CTNNA2: variants seen among roughly 807,000 people sequenced by gnomAD.
CTNNA2 encodes the protein catenin alpha 2.
In CTNNA2, 42 loss-of-function variants were observed where a neutral mutation model predicts 101.0. The ratio of observed to expected loss-of-function variants is 0.42; its 90% CI spans 0.32 to 0.54. CTNNA2 has a LOEUF of 0.54. Among genes scored for constraint, CTNNA2 ranks in the 20% least tolerant of loss-of-function variants. The pLI, the probability that CTNNA2 is intolerant of heterozygous loss-of-function variation, is 0.14. For synonymous variants in CTNNA2, 450 were observed against 456.4 expected, an observed-to-expected ratio of 0.99 and a Z score of 0.18; for missense variants, 871 against 1,223.1, an observed-to-expected ratio of 0.71 and a Z score of 4.29.
intron 1 of CTNNA2, among the ~76,000 whole-genome samples, chr2:79,640,454 CAT>C (rs755795634): frequency 2.3e-4 from 35 of 152,132 alleles, no homozygotes; most frequent in Admixed American, 5.9e-4. Flanking sequence ...CAATTTAACA[CAT>C]GTTAAATAAG....
At chr2:79,519,531 C>G (rs1671992182) in intron 1 of CTNNA2, among the ~76,000 whole-genome samples, 1 of 152,040 alleles carries the variant, frequency 6.6e-6, no homozygotes, top group African/African-American at 2.4e-5. Context: ...TTTTATCTGC[C>G]TTTTGAGTGA....
chr2:80,590,484 C>T (rs549542087), intron 15 of CTNNA2, among the ~76,000 whole-genome samples: 32 of 151,350 alleles, frequency 2.1e-4, no homozygotes, highest in Non-Finnish European at 4.6e-4. Flanking sequence ...AATGATTTAA[C>T]GTGGCATTTG....
chr2:79,662,493 T>A (rs1384488131), intron 2 of CTNNA2, among the ~76,000 whole-genome samples: 1 of 151,926 alleles, frequency 6.6e-6, no homozygotes. Context: ...TTGGGGGCGG[T>A]TAGCTAACAA....
intron 1 of CTNNA2, among the ~76,000 whole-genome samples, chr2:79,563,050 T>C (rs1674878663): frequency 6.6e-6 from 1 of 151,876 alleles, no homozygotes; most frequent in Admixed American, 6.6e-5. Context: ...GGCATTATGA[T>C]AGCTAAAGTA....
chr2:80,298,746 G>A lies in CTNNA2; in HGVS notation c.1057-94465G>A, dbSNP rs116399099. ...GAGTTCAGAAGAATATTTTTAAATGGTTGAGAAAACTATTTCCTTTTACTG... is the reference window on the plus strand; with the variant it reads ...GAGTTCAGAAGAATATTTTTAAATGATTGAGAAAACTATTTCCTTTTACTG... On this transcript the variant is annotated intron_variant, in intron 7 of 18. Coordinates refer to ENST00000402739, the MANE Select transcript of CTNNA2 (RefSeq NM_001282597.3). 354 of 152,344 alleles carry A rather than the reference G, an allele frequency of 2.3e-3. 3 individuals are homozygous for A. The highest frequency in any genetic ancestry group is 7.7e-3 in the African/African-American group (322 of 41,586). 9.4% of individuals were successfully genotyped at this position (152,344 alleles called of 1,614,324 possible).
intron 1 of CTNNA2, among the ~76,000 whole-genome samples, chr2:79,544,535 A>G (rs528564195): frequency 6.6e-6 from 1 of 152,300 alleles, no homozygotes; most frequent in East Asian, 1.9e-4. Context: ...GAAGATAGGT[A>G]AGACAAATTT....
intron 7 of CTNNA2, chr2:80,162,287 C>G (rs1365338881): frequency 1.5e-6 from 1 of 669,556 alleles, no homozygotes; most frequent in East Asian, 3.1e-5. Flanking sequence ...GTAATAAAAC[C>G]ACAATTCATT....
At chr2:79,764,959 G>A (rs1673039512) in intron 3 of CTNNA2, among the ~76,000 whole-genome samples, 1 of 152,146 alleles carries the variant, frequency 6.6e-6, no homozygotes, top group Non-Finnish European at 1.5e-5. Context: ...AATTCAGTAT[G>A]CATATGTGTT....
chr2:79,940,112 C>T (rs1336788466), intron 7 of CTNNA2, among the ~76,000 whole-genome samples: 1 of 152,110 alleles, frequency 6.6e-6, no homozygotes, highest in Non-Finnish European at 1.5e-5. Flanking sequence ...CCCACATGGA[C>T]CCTACTAATT....
intron 13 of CTNNA2, among the ~76,000 whole-genome samples, chr2:80,575,592 AAT>A (rs1200436569): frequency 1.3e-5 from 2 of 152,202 alleles, no homozygotes; most frequent in East Asian, 3.8e-4. Context: ...GAAATAAAGT[AAT>A]AGACCATGAG....
chr2:80,391,679 G>T (rs1293617703), intron 7 of CTNNA2, among the ~76,000 whole-genome samples: 6 of 152,188 alleles, frequency 3.9e-5, no homozygotes, highest in Non-Finnish European at 7.3e-5. Flanking sequence ...ACTTGGAGAG[G>T]CAGAGCATTG....
intron 1 of CTNNA2, among the ~76,000 whole-genome samples, chr2:79,190,779 C>T (rs1285984228): frequency 6.6e-6 from 1 of 152,126 alleles, no homozygotes; most frequent in East Asian, 1.9e-4. Context: ...GTTATGTACC[C>T]GAGTTGTGTT....
At chr2:80,414,441 A>G (rs1679862330) in intron 8 of CTNNA2, among the ~76,000 whole-genome samples, 1 of 152,122 alleles carries the variant, frequency 6.6e-6, no homozygotes, top group Non-Finnish European at 1.5e-5. Flanking sequence ...TTTCTGTCAG[A>G]TCTTTTCTTT....
chr2:80,554,586 G>A (rs879810823), intron 11 of CTNNA2, among the ~76,000 whole-genome samples: 2 of 152,054 alleles, frequency 1.3e-5, no homozygotes, highest in African/African-American at 4.8e-5. Context: ...GGTAGAAAGA[G>A]GGAGGGATCT....
chr2:80,207,308 A>G (rs1226712046), intron 7 of CTNNA2, among the ~76,000 whole-genome samples: 1 of 152,214 alleles, frequency 6.6e-6, no homozygotes, highest in African/African-American at 2.4e-5. Context: ...AATGGAGATG[A>G]TGATAGCTAT....
At chr2:79,608,120 A>T (rs577016543) in intron 1 of CTNNA2, among the ~76,000 whole-genome samples, 1 of 152,216 alleles carries the variant, frequency 6.6e-6, no homozygotes, top group Non-Finnish European at 1.5e-5. Context: ...GACAAGGATA[A>T]TAGAATATTT....
At chr2:79,637,668 C>A (rs779459557) in intron 1 of CTNNA2, among the ~76,000 whole-genome samples, 1 of 152,098 alleles carries the variant, frequency 6.6e-6, no homozygotes, top group Non-Finnish European at 1.5e-5. Context: ...TTAAACAATA[C>A]CTTAAGGATT....
chr2:80,357,997 A>C (rs950814233), intron 7 of CTNNA2, among the ~76,000 whole-genome samples: 3 of 152,108 alleles, frequency 2.0e-5, no homozygotes, highest in Non-Finnish European at 4.4e-5. Context: ...CCTAACTTCT[A>C]GTCTTCATGA....
rs1327740566 is a variant in CTNNA2 at position 80,220,088 on chromosome 2, G to T, written c.1057-173123G>T. Among the ~76,000 whole-genome samples, 3 of 152,108 alleles carry T rather than the reference G, an allele frequency of 2.0e-5. No individual in the cohort carries two copies. The East Asian group carries it at 5.8e-4, about 29-fold the overall frequency. On this transcript the variant is annotated intron_variant, in intron 7 of 18. Transcript: ENST00000402739. ...ACCTTACTTTGTTTTGACCACAAAG[G>T]ATACTGAATGCAGTATACCAAGGAT...
Sources: gnomAD v4.1 joint callset for allele counts (sites outside exome capture counted in the v4.1 genomes callset) on GRCh38, gnomAD v4.1.1 for gene constraint, MANE v1.5 for transcripts, NCBI Gene and HGNC (gene_info 2026-07-23, HGNC 2026-07-21) for gene names.